Variants in SORCS2 observed in about 807,000 individuals in gnomAD.
SORCS2 encodes the protein sortilin related VPS10 domain containing receptor 2.
SORCS2 carries 100 observed loss-of-function variants against 141.6 expected under a neutral mutation model. The ratio of observed to expected loss-of-function variants is 0.71; its 90% confidence interval spans 0.60 to 0.83. The LOEUF is 0.83. Among genes scored for constraint, SORCS2 ranks in the 40% least tolerant of loss-of-function variants. SORCS2 has a pLI of 0.00. For missense variants in SORCS2, 1,646 were observed against 1,560.2 expected (o/e 1.05, Z -0.93); for synonymous variants, 789 against 676.9 (o/e 1.17, Z -2.57).
At position 7,286,175 on chromosome 4, in the gene SORCS2, C is replaced by T. The variant is rs1716209589; in HGVS notation, c.480+93049C>T. On this transcript the variant is annotated intron_variant, in intron 1 of 26. Transcript: ENST00000507866. The surrounding 1 kb of genome is among the most constrained non-coding windows in gnomAD (Gnocchi z 4.1). Reference sequence around the variant, plus strand: ...CTCCTAGAGTCTCCAGCTGGGTCTCCAGGCCTGTGCCGGTCCTCACTGCAC... The same window carrying T: ...CTCCTAGAGTCTCCAGCTGGGTCTCTAGGCCTGTGCCGGTCCTCACTGCAC... Among the ~76,000 whole-genome samples the T allele has an allele frequency of 6.6e-6, 1 of 152,226 alleles. No homozygotes were observed. The highest frequency in any genetic ancestry group is 2.1e-4 in the South Asian group (1 of 4,818).
At chr4:7,589,681 G>T (rs376539658) in intron 3 of SORCS2, among the ~76,000 whole-genome samples, 1 of 152,204 alleles carries the variant, frequency 6.6e-6, no homozygotes, top group Non-Finnish European at 1.5e-5. Flanking sequence ...GATTACAGGC[G>T]TGAGCCACCG....
rs200267095 is a variant in SORCS2, at chr4:7,715,175, C to T, written c.2124-8C>T. The T allele has an allele frequency of 6.9e-4, 1,119 of 1,613,346 alleles. 1 individual carries two copies. Among genetic ancestry groups the T allele is most frequent in the Non-Finnish European group, 8.8e-4 (1,035 of 1,179,504 alleles). ...CCGTCACTTACCACTACTCTTCCCT[C>T]CTCCCAGCGACTACGGATTTGAGCG... On this transcript the variant is annotated splice_region_variant and splice_polypyrimidine_tract_variant and intron_variant, in intron 16 of 26. Coordinates refer to ENST00000507866, the MANE Select transcript of SORCS2 (RefSeq NM_020777.3).
In SORCS2 at chr4:7,193,872, G is replaced by A. The variant is rs1309565255; in HGVS notation, c.480+746G>A. Among the ~76,000 whole-genome samples, 3 of 152,118 alleles carry A rather than the reference G, an allele frequency of 2.0e-5. No homozygotes were observed. Among genetic ancestry groups the A allele is most frequent in the Non-Finnish European group, 2.9e-5 (2 of 68,010 alleles). On this transcript the variant is annotated intron_variant, in intron 1 of 26. Coordinates refer to ENST00000507866, the MANE Select transcript of SORCS2 (RefSeq NM_020777.3). This position sits in a 1 kb window ranked among gnomAD's most constrained non-coding sequence, Gnocchi z 4.8. ...GCTGGAAGTTTGCCACCTCTGTTGGGGACCTCCTGTTCCTCCACCCACAGC... is the reference window on the plus strand; with the variant it reads ...GCTGGAAGTTTGCCACCTCTGTTGGAGACCTCCTGTTCCTCCACCCACAGC...
chr4:7,536,069 G>A lies in SORCS2; in HGVS notation c.648+4440G>A, dbSNP rs569504612. ...GGCTCCTGTCTGCAGAGGTGTGGACGGGCCACGTGCTGAGTGGGGCTAGGG... is the reference window on the plus strand; with the variant it reads ...GGCTCCTGTCTGCAGAGGTGTGGACAGGCCACGTGCTGAGTGGGGCTAGGG... On this transcript the variant is annotated intron_variant, in intron 3 of 26. Coordinates refer to ENST00000507866, the MANE Select transcript of SORCS2 (RefSeq NM_020777.3). Among the ~76,000 whole-genome samples, 154 of 152,320 alleles carry A rather than the reference G, an allele frequency of 1.0e-3. 1 individual carries two copies. The highest frequency in any genetic ancestry group is 3.5e-3 in the African/African-American group (144 of 41,574).
intron 1 of SORCS2, among the ~76,000 whole-genome samples, chr4:7,350,588 G>T (rs1216207299): frequency 6.6e-6 from 1 of 152,232 alleles, no homozygotes; most frequent in East Asian, 1.9e-4. Context: ...GGATTGGCAG[G>T]CATGACCCTG....
intron 1 of SORCS2, among the ~76,000 whole-genome samples, chr4:7,241,228 C>T (rs1334004126): frequency 1.5e-4 from 23 of 152,174 alleles, no homozygotes; most frequent in Non-Finnish European, 1.5e-5. Context: ...CATGAGCCAC[C>T]TCACTAAAGG....
chr4:7,211,851 G>C, intron 1 of SORCS2, among the ~76,000 whole-genome samples: 1 of 152,212 alleles, frequency 6.6e-6, no homozygotes, highest in East Asian at 1.9e-4. Flanking sequence ...GCCTCACTCT[G>C]TCGGCTAATC....
At chr4:7,654,486 C>G (rs1386402134) in intron 5 of SORCS2, among the ~76,000 whole-genome samples, 2 of 152,208 alleles carry the variant, frequency 1.3e-5, no homozygotes, top group Admixed American at 6.5e-5. Context: ...TACCCATGAA[C>G]CAGCTATGTG....
At chr4:7,718,226 G>C in intron 18 of SORCS2, 43 bp downstream of exon 18, 1 of 1,584,306 alleles carries the variant, frequency 6.3e-7, no homozygotes, top group Non-Finnish European at 8.5e-7. Context: ...CTGTCGGGCA[G>C]GGGCGGCTCC....
At chr4:7,402,749 G>T (rs1724677785) in intron 2 of SORCS2, among the ~76,000 whole-genome samples, 1 of 152,152 alleles carries the variant, frequency 6.6e-6, no homozygotes, top group African/African-American at 2.4e-5. Flanking sequence ...TTCCATGTTT[G>T]CACTCAAGTG....
intron 18 of SORCS2, among the ~76,000 whole-genome samples, chr4:7,723,187 C>T (rs911156888): frequency 1.3e-5 from 2 of 152,116 alleles, no homozygotes; most frequent in African/African-American, 4.8e-5. Context: ...CTCCTGGTAC[C>T]GCATGGTCTG....
At chr4:7,321,906 C>T (rs1299348778) in intron 1 of SORCS2, among the ~76,000 whole-genome samples, 1 of 152,156 alleles carries the variant, frequency 6.6e-6, no homozygotes, top group Non-Finnish European at 1.5e-5. Context: ...TTTTACTTTA[C>T]CTGCAAGGGG....
chr4:7,461,231 C>G (rs999551294), intron 2 of SORCS2, among the ~76,000 whole-genome samples: 4 of 152,224 alleles, frequency 2.6e-5, no homozygotes, highest in African/African-American at 9.7e-5. Context: ...TTTCCCTCTG[C>G]CGTCACAGGA....
chr4:7,434,984 T>C (rs1727200202), intron 2 of SORCS2: 5 of 1,350,600 alleles, frequency 3.7e-6, no homozygotes, highest in Middle Eastern at 2.7e-4. Context: ...CGGCCCCACC[T>C]CCTGGCCACT....
intron 14 of SORCS2, among the ~76,000 whole-genome samples, chr4:7,707,008 T>A (rs1385516339): frequency 6.6e-6 from 1 of 152,116 alleles, no homozygotes; most frequent in East Asian, 1.9e-4. Context: ...GCTTGACAAT[T>A]AAAGAAACTG....
At chr4:7,462,747 T>C (rs1037950481) in intron 2 of SORCS2, among the ~76,000 whole-genome samples, 4 of 151,606 alleles carry the variant, frequency 2.6e-5, no homozygotes, top group African/African-American at 4.8e-5. Flanking sequence ...CCCCAGCCCC[T>C]GTGCACGGAA....
intron 3 of SORCS2, among the ~76,000 whole-genome samples, chr4:7,574,607 A>AGGAG (rs1477095685): frequency 6.6e-6 from 1 of 151,482 alleles, no homozygotes; most frequent in East Asian, 2.0e-4. Context: ...CAGGGAGGCA[A>AGGAG]GGAGGGAGGA....
At chr4:7,416,701 C>A (rs1269259893) in intron 2 of SORCS2, among the ~76,000 whole-genome samples, 3 of 144,456 alleles carry the variant, frequency 2.1e-5, no homozygotes, top group Non-Finnish European at 3.0e-5. Context: ...TGCATGCACT[C>A]ACTCACACTT....
chr4:7,739,458 G>A (rs963873507), intron 26 of SORCS2, among the ~76,000 whole-genome samples: 2 of 152,168 alleles, frequency 1.3e-5, no homozygotes, highest in African/African-American at 2.4e-5. Flanking sequence ...TCCTAGTGGG[G>A]TAGTAAGATT....
Sources: allele counts gnomAD v4.1 joint callset (sites outside exome capture counted in the v4.1 genomes callset), GRCh38; gene constraint gnomAD v4.1.1; non-coding constraint Gnocchi (gnomAD v3.1); transcripts MANE v1.5; gene names NCBI Gene and HGNC (gene_info 2026-07-23, HGNC 2026-07-21).